The following SLK variants were observed in gnomAD, a reference collection of about 807,000 sequenced individuals.
The protein encoded by SLK is STE20-like serine/threonine-protein kinase.
A neutral mutation model predicts 147.7 loss-of-function variants in SLK; 67 were observed. That is an observed-to-expected ratio of 0.45 (90% CI 0.37 to 0.56). The LOEUF is 0.56. SLK is among the 20% of genes least tolerant of loss of function. The pLI is 0.00. For synonymous variants in SLK, 441 were observed against 475.0 expected (o/e 0.93, Z 0.93); for missense variants, 1,136 against 1,438.8 (o/e 0.79, Z 3.41).
chr10:104,021,548 G>A (rs893364295), intron 17 of SLK, 72 bp from the exon 18 acceptor site: 3 of 777,362 alleles, frequency 3.9e-6, no homozygotes, highest in Non-Finnish European at 6.6e-6. Context: ...TTATTATTAT[G>A]GAAGATAATT....
intron 1 of SLK, among the ~76,000 whole-genome samples, chr10:103,983,553 A>G (rs1444162794): frequency 6.6e-6 from 1 of 152,150 alleles, no homozygotes; most frequent in Non-Finnish European, 1.5e-5. Flanking sequence ...TTTCAAAAGT[A>G]TAGGGCACTA....
intron 1 of SLK, among the ~76,000 whole-genome samples, chr10:103,989,760 G>T (rs1314853604): frequency 1.4e-4 from 22 of 152,096 alleles, no homozygotes; most frequent in Admixed American, 1.4e-3. Context: ...GAGCCACCGC[G>T]CCCGGCCAAC....
At chr10:103,988,237 C>T (rs184905180) in intron 1 of SLK, among the ~76,000 whole-genome samples, 10 of 152,268 alleles carry the variant, frequency 6.6e-5, no homozygotes, top group Admixed American at 6.5e-4. Flanking sequence ...TTTTCATCTC[C>T]TAGTTTCAGG....
At chr10:104,012,107 AC>A (rs1458646170) in intron 13 of SLK, among the ~76,000 whole-genome samples, 1 of 152,186 alleles carries the variant, frequency 6.6e-6, no homozygotes, top group Admixed American at 6.5e-5. Context: ...ATGTGATTTA[AC>A]AAGTGGTTCC....
chr10:103,977,273 A>G (rs1404622325), intron 1 of SLK, among the ~76,000 whole-genome samples: 2 of 152,244 alleles, frequency 1.3e-5, no homozygotes, highest in Admixed American at 6.5e-5. Flanking sequence ...GAAAATAAAC[A>G]GAATGAACAA....
chr10:104,015,965 GA>G (rs1169944845), intron 13 of SLK, among the ~76,000 whole-genome samples: 1 of 151,872 alleles, frequency 6.6e-6, no homozygotes, highest in Non-Finnish European at 1.5e-5. Flanking sequence ...TTGAACAAAA[GA>G]AAACCCTTTG....
chr10:103,991,402 G>T (rs1355412035), intron 2 of SLK, among the ~76,000 whole-genome samples: 1 of 152,088 alleles, frequency 6.6e-6, no homozygotes, highest in Non-Finnish European at 1.5e-5. Context: ...ATAATAATCT[G>T]TCAATCACTT....
chr10:103,989,637 T>A (rs1372109539), intron 1 of SLK, among the ~76,000 whole-genome samples: 1 of 151,756 alleles, frequency 6.6e-6, no homozygotes, highest in East Asian at 1.9e-4. Flanking sequence ...CCTGGCTAAT[T>A]TTTTGTATTT....
chr10:104,005,275 C>T (rs1315284931), intron 9 of SLK, among the ~76,000 whole-genome samples: 1 of 151,992 alleles, frequency 6.6e-6, no homozygotes, highest in Non-Finnish European at 1.5e-5. Context: ...TCACTTATGC[C>T]TAATTATAAT....
At chr10:103,986,676 T>G (rs1212156047) in intron 1 of SLK, among the ~76,000 whole-genome samples, 1 of 139,736 alleles carries the variant, frequency 7.2e-6, no homozygotes, top group African/African-American at 2.6e-5. Context: ...GAGTTTTTTT[T>G]TTTTTTTTTT....
chr10:103,972,077 AAGTC>A (rs777093747), intron 1 of SLK, among the ~76,000 whole-genome samples: 7 of 152,218 alleles, frequency 4.6e-5, no homozygotes, highest in Non-Finnish European at 1.0e-4. Context: ...GCCTCTTTCA[AAGTC>A]AGTATTGTGT....
In SLK at chr10:104,027,010, C is replaced by G. The variant is rs1374509255; in HGVS notation, c.*1290C>G. The G allele has an allele frequency of 1.3e-5, 2 of 152,204 alleles. No individual in the cohort carries two copies. Among genetic ancestry groups the G allele is most frequent in the Non-Finnish European group, 1.5e-5 (1 of 68,030 alleles). The allele number at this position is 152,204 out of a possible 1,614,324, so 9.4% of individuals were successfully genotyped here. The stretch of plus-strand genomic sequence containing the variant: ...AGTATTATAAACTGTACTTTGCTGT[C>G]TGAGACAGCACATTTGTGAATGATG... On this transcript the variant is annotated 3_prime_UTR_variant, in exon 19 of 19. Transcript: ENST00000369755.
rs756190959 is a variant in SLK at position 103,992,969 on chromosome 10, ACTTTCTC to A, written c.365-11_365-5del. 11 of 1,581,726 alleles carry A rather than the reference ACTTTCTC, an allele frequency of 7.0e-6. No homozygotes were observed. Among genetic ancestry groups the A allele is most frequent in the Non-Finnish European group, 9.4e-6 (11 of 1,164,816 alleles). ...GTATAAAAAGCAGATTTTTTTTTTT[ACTTTCTC>A]CTTATAGAACTTGAGAGACCATTAA... On this transcript the variant is annotated splice_region_variant and splice_polypyrimidine_tract_variant and intron_variant, in intron 3 of 18. Coordinates refer to ENST00000369755, the MANE Select transcript of SLK (RefSeq NM_014720.4).
chr10:103,980,509 C>T (rs1392903734), intron 1 of SLK, among the ~76,000 whole-genome samples: 1 of 152,126 alleles, frequency 6.6e-6, no homozygotes, highest in East Asian at 1.9e-4. Flanking sequence ...TTCCTCCTGC[C>T]CTAGGCAACT....
At chr10:104,022,166 G>T (rs185997879) in intron 18 of SLK, among the ~76,000 whole-genome samples, 10 of 152,134 alleles carry the variant, frequency 6.6e-5, no homozygotes, top group African/African-American at 2.4e-4. Flanking sequence ...ATTGTAGATC[G>T]TTCTCTGACA....
intron 1 of SLK, among the ~76,000 whole-genome samples, chr10:103,974,336 G>T (rs552531421): frequency 1.3e-5 from 2 of 151,872 alleles, no homozygotes; most frequent in Admixed American, 1.3e-4. Context: ...TCTTGGCCGG[G>T]CGCGGTGGCT....
intron 13 of SLK, among the ~76,000 whole-genome samples, chr10:104,011,253 A>G (rs2134514477): frequency 6.6e-6 from 1 of 152,320 alleles, no homozygotes; most frequent in Admixed American, 6.5e-5. Context: ...AGGACATAAA[A>G]ATAGAGGATG....
Position 104,018,149 on chromosome 10 carries a change from G to A in SLK, c.2878-11G>A, listed in dbSNP as rs762793321. 1 of 1,590,236 alleles carries A rather than the reference G, an allele frequency of 6.3e-7. No individual in the cohort carries two copies. Among genetic ancestry groups the A allele is most frequent in the Non-Finnish European group, 8.6e-7 (1 of 1,168,734 alleles). Reference sequence around the variant, plus strand: ...GATACTTATTAACTGACAATTAACTGTTTTTAATAGGAACAAGAGTTTGTT... The same window carrying A: ...GATACTTATTAACTGACAATTAACTATTTTTAATAGGAACAAGAGTTTGTT... On this transcript the variant is annotated splice_polypyrimidine_tract_variant and intron_variant, in intron 13 of 18. Transcript: ENST00000369755.
At chr10:103,972,597 G>A (rs373058428) in intron 1 of SLK, among the ~76,000 whole-genome samples, 8 of 152,022 alleles carry the variant, frequency 5.3e-5, no homozygotes, top group Non-Finnish European at 1.0e-4. Flanking sequence ...GCGTGAACCC[G>A]GGAGGAGGAG....
Sources: allele counts gnomAD v4.1 joint callset (sites outside exome capture counted in the v4.1 genomes callset), GRCh38; gene constraint gnomAD v4.1.1; transcripts MANE v1.5; gene names NCBI Gene and HGNC (gene_info 2026-07-23, HGNC 2026-07-21).